PPP1R42: variants seen among roughly 807,000 people sequenced by gnomAD.
PPP1R42 encodes the protein protein phosphatase 1 regulatory subunit 42.
In PPP1R42, 34 loss-of-function variants were observed where a neutral mutation model predicts 31.0. The observed-to-expected ratio is 1.10, with a 90% CI of 0.83 to 1.46. PPP1R42 has a LOEUF of 1.46. Among genes scored for constraint, PPP1R42 ranks in the 40% most tolerant of loss-of-function variants. The pLI, the probability that PPP1R42 is intolerant of heterozygous loss-of-function variation, is 0.00. For synonymous variants in PPP1R42, 103 were observed against 109.8 expected, an observed-to-expected ratio of 0.94 and a Z score of 0.39; for missense variants, 268 against 303.0, an observed-to-expected ratio of 0.88 and a Z score of 0.86.
At chr8:66,979,132 C>T (rs1282699308) in intron 7 of PPP1R42, among the ~76,000 whole-genome samples, 2 of 152,168 alleles carry the variant, frequency 1.3e-5, no homozygotes, top group African/African-American at 4.8e-5. Context: ...TTTTCCCAGA[C>T]CAATGTCCTG....
intron 3 of PPP1R42, 81 bp downstream of exon 3, chr8:67,014,345 A>C (rs1222414076): frequency 1.0e-5 from 8 of 765,464 alleles, no homozygotes; most frequent in Non-Finnish European, 1.6e-5. Context: ...AATGCAAAAA[A>C]TGGAAATGCC....
chr8:66,974,306 G>A (rs1375311989), intron 7 of PPP1R42, among the ~76,000 whole-genome samples: 2 of 152,138 alleles, frequency 1.3e-5, no homozygotes, highest in Non-Finnish European at 2.9e-5. Flanking sequence ...TGTAATACCA[G>A]CAGTTTGGGG....
chr8:66,984,332 C>T (rs539105578), intron 6 of PPP1R42: 37 of 1,271,290 alleles, frequency 2.9e-5, no homozygotes, highest in South Asian at 2.4e-4. Context: ...TCATCAGGTT[C>T]CTCATGATCA....
At chr8:67,016,746 C>G (rs369975188) in intron 2 of PPP1R42, among the ~76,000 whole-genome samples, 1 of 152,146 alleles carries the variant, frequency 6.6e-6, no homozygotes, top group Non-Finnish European at 1.5e-5. Flanking sequence ...TGTGACCCAC[C>G]ACGCTTAGCC....
chr8:67,020,350 G>A (rs760136783), intron 1 of PPP1R42, among the ~76,000 whole-genome samples: 1 of 152,098 alleles, frequency 6.6e-6, no homozygotes, highest in Non-Finnish European at 1.5e-5. Context: ...ACAGGCGCCT[G>A]CCACCATGCC....
At chr8:67,022,502 C>T (rs1816253239) in intron 1 of PPP1R42, among the ~76,000 whole-genome samples, 1 of 151,992 alleles carries the variant, frequency 6.6e-6, no homozygotes, top group African/African-American at 2.4e-5. Flanking sequence ...ATGGTATCTT[C>T]TAAAAAACAG....
At chr8:66,979,623 A>G (rs1441797100) in intron 7 of PPP1R42, among the ~76,000 whole-genome samples, 2 of 152,098 alleles carry the variant, frequency 1.3e-5, no homozygotes, top group Non-Finnish European at 2.9e-5. Flanking sequence ...TTTGGTTACT[A>G]TAGCTTTGTT....
chr8:66,972,497 C>T (rs76300904), intron 7 of PPP1R42, among the ~76,000 whole-genome samples: 12,573 of 152,136 alleles, frequency 0.083, 1,056 homozygotes, highest in African/African-American at 0.22. Context: ...TCAAGTGATT[C>T]TCCTGCCTCA....
intron 5 of PPP1R42, among the ~76,000 whole-genome samples, chr8:66,994,746 C>A (rs1405918067): frequency 6.6e-6 from 1 of 152,080 alleles, no homozygotes; most frequent in African/African-American, 2.4e-5. Context: ...TATAATAATA[C>A]AATGGTGTGA....
Position 66,987,009 on chromosome 8 carries a change from T to A in PPP1R42, c.670+1391A>T, listed in dbSNP as rs561950923. Among the ~76,000 whole-genome samples, 7 of 152,224 alleles carry A rather than the reference T, an allele frequency of 4.6e-5. No individual in the cohort carries two copies. The East Asian group carries it at 1.4e-3, about 29-fold the overall frequency. ...TGAAACCCCGCCTCTACTCTAAAGG[T>A]CATTCTTTGATGCTCAGTTTTTCCA... On this transcript the variant is annotated intron_variant, in intron 6 of 7. Coordinates refer to ENST00000685739, the MANE Select transcript of PPP1R42 (RefSeq NM_001364910.1).
intron 5 of PPP1R42, among the ~76,000 whole-genome samples, chr8:66,997,150 A>ATT (rs1188632184): frequency 1.3e-5 from 2 of 152,096 alleles, no homozygotes; most frequent in African/African-American, 4.8e-5. Flanking sequence ...GAGACTCTTA[A>ATT]AAATCAGTTG....
Position 67,013,366 on chromosome 8 carries a change from GAAA to G in PPP1R42, c.297-273_297-271del, listed in dbSNP as rs550613065. Among the ~76,000 whole-genome samples, 840 of 151,548 alleles carry G rather than the reference GAAA, an allele frequency of 5.5e-3. 2 individuals are homozygous for G. The highest frequency in any genetic ancestry group is 9.6e-3 in the Non-Finnish European group (651 of 67,914). On this transcript the variant is annotated intron_variant, in intron 3 of 7. Coordinates refer to ENST00000685739, the MANE Select transcript of PPP1R42 (RefSeq NM_001364910.1). ...ACAATTCATATGTTGCCTAACATAT[GAAA>G]AGCCCGGGTAGATAGTTTGATAATA...
At chr8:66,974,107 G>A (rs534132485) in intron 7 of PPP1R42, among the ~76,000 whole-genome samples, 1 of 151,562 alleles carries the variant, frequency 6.6e-6, no homozygotes, top group South Asian at 2.1e-4. Flanking sequence ...ATATCCATAA[G>A]TGGGATTGTT....
chr8:66,985,118 GC>G, intron 6 of PPP1R42: 1 of 1,210,982 alleles, frequency 8.3e-7, no homozygotes, highest in Non-Finnish European at 1.2e-6. Flanking sequence ...ATAAGGGCAA[GC>G]CTAGTCAAAG....
intron 5 of PPP1R42, among the ~76,000 whole-genome samples, chr8:66,998,923 T>C (rs1815407200): frequency 2.0e-5 from 3 of 152,218 alleles, no homozygotes; most frequent in Non-Finnish European, 1.5e-5. Context: ...TATATATTTC[T>C]GGGCTTGATT....
At chr8:66,966,212 C>G (rs1814376047) in intron 7 of PPP1R42, among the ~76,000 whole-genome samples, 1 of 152,188 alleles carries the variant, frequency 6.6e-6, no homozygotes, top group South Asian at 2.1e-4. Context: ...CTACAGTTGC[C>G]TTTAGTTGGG....
intron 5 of PPP1R42, among the ~76,000 whole-genome samples, chr8:66,999,290 G>A (rs921467656): frequency 6.6e-6 from 1 of 151,784 alleles, no homozygotes; most frequent in African/African-American, 2.4e-5. Flanking sequence ...GCATGATCTC[G>A]GCTCACTGCA....
At chr8:66,972,342 G>A (rs779840393) in intron 7 of PPP1R42, among the ~76,000 whole-genome samples, 25 of 152,106 alleles carry the variant, frequency 1.6e-4, no homozygotes, top group Admixed American at 6.6e-5. Flanking sequence ...AAAATTTTCT[G>A]CTGCAGCTAC....
intron 5 of PPP1R42, among the ~76,000 whole-genome samples, chr8:67,001,331 G>A (rs1346210050): frequency 2.0e-5 from 3 of 147,876 alleles, no homozygotes; most frequent in East Asian, 2.0e-4. Context: ...CATTACAGGC[G>A]TCACCATGCC....
Sources: gnomAD v4.1 joint callset for allele counts (sites outside exome capture counted in the v4.1 genomes callset) on GRCh38, gnomAD v4.1.1 for gene constraint, MANE v1.5 for transcripts, NCBI Gene and HGNC (gene_info 2026-07-23, HGNC 2026-07-21) for gene names.